The following SND1 variants were observed in gnomAD, a reference collection of about 807,000 sequenced individuals.
SND1 encodes staphylococcal nuclease domain-containing protein 1.
A neutral mutation model predicts 121.7 loss-of-function variants in SND1; 38 were observed. The ratio of observed to expected loss-of-function variants is 0.31; its 90% CI spans 0.24 to 0.41. The LOEUF (loss-of-function observed/expected upper bound fraction) is 0.41. Among genes scored for constraint, SND1 ranks in the 10% least tolerant of loss-of-function variants. SND1 has a pLI of 1.00. For synonymous variants in SND1, 401 were observed against 447.4 expected (o/e 0.90, Z 1.31); for missense variants, 868 against 1,184.6 (o/e 0.73, Z 3.92).
In SND1 at chr7:127,686,602, C is replaced by T; in HGVS notation, c.79-11C>T. 1 of 1,611,696 alleles carries T rather than the reference C, an allele frequency of 6.2e-7. No homozygotes were observed. Among genetic ancestry groups the T allele is most frequent in the South Asian group, 1.1e-5 (1 of 90,924 alleles). On this transcript the variant is annotated splice_polypyrimidine_tract_variant and intron_variant, in intron 1 of 23. Transcript: ENST00000354725. ...TGGACCATTCATTTTCTCTTTCTTCCCCCTACGTAGGTCCTCTCAGGGTGC... is the reference window on the plus strand; with the variant it reads ...TGGACCATTCATTTTCTCTTTCTTCTCCCTACGTAGGTCCTCTCAGGGTGC...
chr7:128,044,840 C>T (rs1173844843), intron 16 of SND1, among the ~76,000 whole-genome samples: 1 of 152,122 alleles, frequency 6.6e-6, no homozygotes, highest in Non-Finnish European at 1.5e-5. Flanking sequence ...ATATCTGTTT[C>T]TGTACTGATG....
intron 15 of SND1, among the ~76,000 whole-genome samples, chr7:127,948,527 A>G (rs1386282825): frequency 6.6e-6 from 1 of 152,226 alleles, no homozygotes; most frequent in Non-Finnish European, 1.5e-5. Context: ...TTCATCAGAT[A>G]AACACTCTAA....
chr7:127,751,912 C>T (rs1381138295), intron 10 of SND1, among the ~76,000 whole-genome samples: 1 of 152,226 alleles, frequency 6.6e-6, no homozygotes, highest in African/African-American at 2.4e-5. Context: ...CAGCTGACTG[C>T]TCGCGGGAGC....
intron 16 of SND1, among the ~76,000 whole-genome samples, chr7:128,070,147 G>A (rs1024561514): frequency 5.3e-5 from 8 of 152,140 alleles, no homozygotes; most frequent in Admixed American, 2.6e-4. Context: ...TAGGCTGTTC[G>A]CTTCTTAACC....
At chr7:127,797,952 T>G (rs547124155) in intron 10 of SND1, among the ~76,000 whole-genome samples, 1 of 152,316 alleles carries the variant, frequency 6.6e-6, no homozygotes, top group African/African-American at 2.4e-5. Flanking sequence ...CTCTTCCCTC[T>G]CTCATCCTTA....
intron 1 of SND1, among the ~76,000 whole-genome samples, chr7:127,674,681 A>G (rs921100500): frequency 6.6e-6 from 1 of 152,386 alleles, no homozygotes; most frequent in East Asian, 1.9e-4. Flanking sequence ...GCATCATAGC[A>G]GAAAATTAGC....
intron 17 of SND1, among the ~76,000 whole-genome samples, chr7:128,078,066 A>C (rs533974986): frequency 6.6e-6 from 1 of 152,332 alleles, no homozygotes; most frequent in East Asian, 1.9e-4. Context: ...TGGGTCTGGC[A>C]GGTGTCTTGC....
chr7:127,990,897 A>G, intron 15 of SND1, 50 bp from the exon 16 acceptor site: 1 of 1,366,980 alleles, frequency 7.3e-7, no homozygotes, highest in South Asian at 1.2e-5. Context: ...TTGGACAGCA[A>G]GCCTAGTGGG....
At chr7:127,725,398 A>G (rs1796565371) in intron 10 of SND1, among the ~76,000 whole-genome samples, 1 of 152,290 alleles carries the variant, frequency 6.6e-6, no homozygotes, top group Admixed American at 6.5e-5. Context: ...AATGGAAGCT[A>G]AATTTTAGCT....
At chr7:127,964,997 ATT>A (rs1455751988) in intron 15 of SND1, among the ~76,000 whole-genome samples, 1 of 99,492 alleles carries the variant, frequency 1.0e-5, no homozygotes, top group Non-Finnish European at 1.9e-5. Flanking sequence ...ATTCCTAGGT[ATT>A]TTATTCTCTT....
At position 127,926,367 on chromosome 7, in the gene SND1, A is replaced by T. The variant is rs372049414; in HGVS notation, c.1528-2821A>T. Among the ~76,000 whole-genome samples, 12 of 152,126 alleles carry T rather than the reference A, an allele frequency of 7.9e-5. No homozygotes were observed. The East Asian group carries it at 1.9e-3, about 25-fold the overall frequency. ...CTTAATATTCTGTCAGCTTGGATGAAATATCCATCTTTCCACTTAGTGACT... is the reference window on the plus strand; with the variant it reads ...CTTAATATTCTGTCAGCTTGGATGATATATCCATCTTTCCACTTAGTGACT... On this transcript the variant is annotated intron_variant, in intron 14 of 23. Transcript: ENST00000354725.
At chr7:127,782,176 C>G (rs1476353510) in intron 10 of SND1, among the ~76,000 whole-genome samples, 1 of 152,196 alleles carries the variant, frequency 6.6e-6, no homozygotes, top group African/African-American at 2.4e-5. Context: ...TTGATTGTCT[C>G]TCCCAAGCAG....
intron 11 of SND1, among the ~76,000 whole-genome samples, chr7:127,824,122 ATT>A (rs1798601599): frequency 6.6e-6 from 1 of 152,208 alleles, no homozygotes; most frequent in Non-Finnish European, 1.5e-5. Flanking sequence ...GCAGTGCTAT[ATT>A]TTTATACTAT....
intron 1 of SND1, among the ~76,000 whole-genome samples, chr7:127,665,243 G>T (rs1429681630): frequency 6.6e-6 from 1 of 151,404 alleles, no homozygotes; most frequent in Non-Finnish European, 1.5e-5. Flanking sequence ...CTGCAGTGCA[G>T]TGGCACAATC....
intron 16 of SND1, among the ~76,000 whole-genome samples, chr7:128,056,572 A>G (rs1793145563): frequency 6.6e-6 from 1 of 152,210 alleles, no homozygotes. Flanking sequence ...GCGCCATGCT[A>G]GGAGTTGGGA....
intron 16 of SND1, among the ~76,000 whole-genome samples, chr7:128,035,112 G>A (rs1193536810): frequency 6.6e-6 from 1 of 152,228 alleles, no homozygotes; most frequent in Non-Finnish European, 1.5e-5. Context: ...TCAGCAGCCT[G>A]GTATTATAGA....
chr7:127,749,679 G>A (rs1797050829), intron 10 of SND1, among the ~76,000 whole-genome samples: 1 of 152,216 alleles, frequency 6.6e-6, no homozygotes. Context: ...GAGATTTAAA[G>A]TTTTAATCCA....
chr7:127,743,182 A>T (rs980120103), intron 10 of SND1, among the ~76,000 whole-genome samples: 4 of 152,238 alleles, frequency 2.6e-5, no homozygotes, highest in Non-Finnish European at 5.9e-5. Context: ...TGAGCCTGTT[A>T]CAAGGGATGG....
At chr7:127,933,471 G>A (rs1241604391) in intron 15 of SND1, among the ~76,000 whole-genome samples, 2 of 152,168 alleles carry the variant, frequency 1.3e-5, no homozygotes, top group Admixed American at 6.5e-5. Flanking sequence ...TACAGGACAG[G>A]GAAAAGTCTT....
Sources: allele counts gnomAD v4.1 joint callset (sites outside exome capture counted in the v4.1 genomes callset), GRCh38; gene constraint gnomAD v4.1.1; transcripts MANE v1.5; gene names NCBI Gene and HGNC (gene_info 2026-07-23, HGNC 2026-07-21).